Variants in MAP2K4 observed in about 807,000 individuals in gnomAD.
MAP2K4 encodes the protein mitogen-activated protein kinase kinase 4, also known as dual specificity mitogen-activated protein kinase kinase 4.
A neutral mutation model predicts 48.5 loss-of-function variants in MAP2K4; 4 were observed. That is an observed-to-expected ratio of 0.08 (90% confidence interval 0.04 to 0.19). The LOEUF is 0.19. Ranked by LOEUF, MAP2K4 falls within the 10% of genes least tolerant of loss-of-function variation. MAP2K4 has a pLI of 1.00. For synonymous variants in MAP2K4, 166 were observed against 173.1 expected (o/e 0.96, Z 0.32); for missense variants, 258 against 493.3 (o/e 0.52, Z 4.52).
chr17:12,069,367 A>G (rs986960750), intron 2 of MAP2K4, among the ~76,000 whole-genome samples: 20 of 152,170 alleles, frequency 1.3e-4, no homozygotes, highest in Non-Finnish European at 4.4e-5. Context: ...CTAAGGGTAA[A>G]CTTAGAGTAC....
At position 12,107,852 on chromosome 17, in the gene MAP2K4, A is replaced by C; in HGVS notation, c.576A>C (p.Val192=). The change falls in exon 5 of 11, where the codon GTA becomes GTC. Residue 192 remains valine (V), a synonymous_variant. Coordinates refer to ENST00000353533, the MANE Select transcript of MAP2K4 (RefSeq NM_003010.4). The part of the protein sequence containing the change: ...STSFDKFYKY[V]YSVLDDVIPE... ...CGTTTGATAAGTTTTACAAATATGTATATAGTGTATTAGATGATGTTATTC... is the reference window on the plus strand; with the variant it reads ...CGTTTGATAAGTTTTACAAATATGTCTATAGTGTATTAGATGATGTTATTC... 6.2e-7 allele frequency: 1 copy of C among 1,605,298 alleles called. No homozygotes were observed. Among genetic ancestry groups the C allele is most frequent in the Non-Finnish European group, 8.5e-7 (1 of 1,175,510 alleles).
chr17:12,077,559 A>C (rs1184668559), intron 2 of MAP2K4, among the ~76,000 whole-genome samples: 2 of 152,170 alleles, frequency 1.3e-5, no homozygotes, highest in Non-Finnish European at 2.9e-5. Context: ...CATCATTCTC[A>C]GGACATTATT....
intron 1 of MAP2K4, among the ~76,000 whole-genome samples, chr17:12,038,480 A>G (rs986042591): frequency 2.6e-5 from 4 of 152,188 alleles, no homozygotes; most frequent in African/African-American, 9.7e-5. Flanking sequence ...AAAGAGAGGT[A>G]CAAATGTTAA....
chr17:12,051,369 T>C (rs1010418716), intron 1 of MAP2K4, among the ~76,000 whole-genome samples: 14 of 152,284 alleles, frequency 9.2e-5, no homozygotes, highest in Admixed American at 5.2e-4. Flanking sequence ...TATTCCCAAA[T>C]CAATAAACAT....
intron 1 of MAP2K4, among the ~76,000 whole-genome samples, chr17:12,047,382 G>A (rs1467030998): frequency 6.6e-6 from 1 of 152,156 alleles, no homozygotes; most frequent in Non-Finnish European, 1.5e-5. Context: ...ACTCCTCACA[G>A]TGCCCCTATG....
chr17:12,098,393 G>A (rs1031626939), intron 4 of MAP2K4, among the ~76,000 whole-genome samples: 7 of 151,374 alleles, frequency 4.6e-5, no homozygotes, highest in South Asian at 2.1e-4. Context: ...CAGAAGAATC[G>A]CTTGAATCCA....
At chr17:12,034,766 C>G (rs548769280) in intron 1 of MAP2K4, among the ~76,000 whole-genome samples, 2 of 152,292 alleles carry the variant, frequency 1.3e-5, no homozygotes, top group South Asian at 4.1e-4. Flanking sequence ...TGGATCTGTC[C>G]TGGTCACCTT....
intron 1 of MAP2K4, among the ~76,000 whole-genome samples, chr17:12,031,602 T>C (rs996283644): frequency 6.6e-6 from 1 of 152,208 alleles, no homozygotes; most frequent in African/African-American, 2.4e-5. Flanking sequence ...TGTAACCAGA[T>C]CCAACTGGAT....
intron 1 of MAP2K4, among the ~76,000 whole-genome samples, chr17:12,030,028 C>T (rs761802109): frequency 2.0e-5 from 3 of 152,028 alleles, no homozygotes; most frequent in African/African-American, 4.8e-5. Flanking sequence ...TGGAAGTTTT[C>T]CTCATTTTTC....
chr17:12,126,999 TGG>T (rs1275669132), intron 8 of MAP2K4, among the ~76,000 whole-genome samples: 1 of 152,188 alleles, frequency 6.6e-6, no homozygotes, highest in Non-Finnish European at 1.5e-5. Context: ...TTCAGAGCAA[TGG>T]GCTTTTTTTG....
rs28921083 is a variant in MAP2K4 at position 12,133,343 on chromosome 17, G to A, written c.1040+4056G>A. ...GTAATCCGCCCGCTTCAGCCTCCCA[G>A]AGTGCTGGGATTACAGGCGTGAGCC... On this transcript the variant is annotated intron_variant, in intron 9 of 10. Coordinates refer to ENST00000353533, the MANE Select transcript of MAP2K4 (RefSeq NM_003010.4). Among the ~76,000 whole-genome samples the A allele has an allele frequency of 6.2e-3, 949 of 152,248 alleles. 2 individuals carry two copies. Among genetic ancestry groups the A allele is most frequent in the East Asian group, 0.036 (188 of 5,172 alleles).
intron 7 of MAP2K4, among the ~76,000 whole-genome samples, chr17:12,122,248 C>T (rs752660877): frequency 6.6e-6 from 1 of 152,224 alleles, no homozygotes; most frequent in Non-Finnish European, 1.5e-5. Flanking sequence ...CGTACTTGCT[C>T]CTTTTCTCTT....
intron 3 of MAP2K4, among the ~76,000 whole-genome samples, chr17:12,086,836 G>GTTTTA (rs749066373): frequency 3.8e-4 from 22 of 58,036 alleles, no homozygotes; most frequent in African/African-American, 8.9e-4. Flanking sequence ...TTTTTGTTTT[G>GTTTTA]TTTTGTTTTG....
chr17:12,065,271 TATTATTA>T (rs1567641149), intron 2 of MAP2K4, among the ~76,000 whole-genome samples: 1 of 143,304 alleles, frequency 7.0e-6, no homozygotes, highest in Non-Finnish European at 1.5e-5. Context: ...TTATTATTAT[TATTATTA>T]TTATTATTAT....
At chr17:12,100,109 A>G (rs1359497113) in intron 4 of MAP2K4, among the ~76,000 whole-genome samples, 2 of 152,178 alleles carry the variant, frequency 1.3e-5, no homozygotes, top group Non-Finnish European at 2.9e-5. Flanking sequence ...TGTAAAGTGT[A>G]CAGTTTGATA....
Position 12,143,192 on chromosome 17 carries a change from G to A in MAP2K4, c.*1932G>A, listed in dbSNP as rs1193268392. On this transcript the variant is annotated 3_prime_UTR_variant, in exon 11 of 11. Coordinates refer to ENST00000353533, the MANE Select transcript of MAP2K4 (RefSeq NM_003010.4). Reference sequence around the variant, plus strand: ...TCCATTGCTCCCGGGGACTCAAGAGGAATCTGTTTCTCTGCTGTCAACTTC... The same window carrying A: ...TCCATTGCTCCCGGGGACTCAAGAGAAATCTGTTTCTCTGCTGTCAACTTC... 8.6e-6 allele frequency: 2 copies of A among 232,980 alleles called. No homozygotes were observed. Among genetic ancestry groups the A allele is most frequent in the Non-Finnish European group, 1.7e-5 (2 of 117,736 alleles). 14.4% of individuals were successfully genotyped at this position (232,980 alleles called of 1,614,324 possible). A position where few individuals can be genotyped will look rare whatever the true frequency, so the allele number is the denominator to read the frequency against.
chr17:12,049,129 C>T (rs1301336541), intron 1 of MAP2K4, among the ~76,000 whole-genome samples: 1 of 152,148 alleles, frequency 6.6e-6, no homozygotes, highest in Non-Finnish European at 1.5e-5. Flanking sequence ...CATTTCATAA[C>T]CAGTGATTGC....
chr17:12,045,794 G>A (rs1969942444), intron 1 of MAP2K4, among the ~76,000 whole-genome samples: 7 of 152,138 alleles, frequency 4.6e-5, no homozygotes, highest in Admixed American at 4.6e-4. Flanking sequence ...AGAAAATTTT[G>A]TTGGGGTTGA....
In MAP2K4 at chr17:12,114,387, G is replaced by GGTGTGT. The variant is rs61666948; in HGVS notation, c.813+1052_813+1057dup. Among the ~76,000 whole-genome samples the GGTGTGT allele has an allele frequency of 3.0e-3, 447 of 149,256 alleles. 2 individuals carry two copies. Among genetic ancestry groups the GGTGTGT allele is most frequent in the African/African-American group, 0.01 (421 of 40,662 alleles). On this transcript the variant is annotated intron_variant, in intron 7 of 10. Transcript: ENST00000353533. ...TTTCTTCAGATGAACATGTAAAAGC[G>GGTGTGT]GTGTGTGTGTGTGTGTGTGTGTGTG...
Sources: gnomAD v4.1 joint callset for allele counts (sites outside exome capture counted in the v4.1 genomes callset) on GRCh38, gnomAD v4.1.1 for gene constraint, MANE v1.5 for transcripts, NCBI Gene and HGNC (gene_info 2026-07-23, HGNC 2026-07-21) for gene names.